Variants in CCDC60 observed in about 807,000 individuals in gnomAD.
The protein encoded by CCDC60 is coiled-coil domain containing 60, also known as coiled-coil domain-containing protein 60.
Under a neutral mutation model 63.5 loss-of-function variants are expected in CCDC60, and 54 were observed. That is an observed-to-expected ratio of 0.85 (90% CI 0.68 to 1.07). The LOEUF (loss-of-function observed/expected upper bound fraction) is 1.07. CCDC60 is among the 50% of genes least tolerant of loss of function. CCDC60 has a pLI of 0.00. For missense variants in CCDC60, 651 were observed against 684.3 expected (o/e 0.95, Z 0.54); for synonymous variants, 206 against 238.8 (o/e 0.86, Z 1.27).
intron 1 of CCDC60, among the ~76,000 whole-genome samples, chr12:119,363,571 A>C (rs1166294681): frequency 1.3e-5 from 2 of 152,198 alleles, no homozygotes; most frequent in Non-Finnish European, 2.9e-5. Context: ...TATGTATTAG[A>C]AAGCCACAAG....
chr12:119,350,445 C>T (rs1955645051), intron 1 of CCDC60, among the ~76,000 whole-genome samples: 1 of 152,034 alleles, frequency 6.6e-6, no homozygotes, highest in African/African-American at 2.4e-5. Context: ...GTTGGCCAGG[C>T]TGGTCTCAAA....
chr12:119,382,147 T>G (rs1182079862), intron 1 of CCDC60, among the ~76,000 whole-genome samples: 1 of 152,148 alleles, frequency 6.6e-6, no homozygotes, highest in African/African-American at 2.4e-5. Flanking sequence ...TTCATGTGCT[T>G]TAGCCACGAA....
rs556749878 is a variant in CCDC60, at chr12:119,342,027, A to T, written c.90+6761A>T. On this transcript the variant is annotated intron_variant, in intron 1 of 13. Coordinates refer to ENST00000327554, the MANE Select transcript of CCDC60 (RefSeq NM_178499.5). The stretch of plus-strand genomic sequence containing the variant: ...ATTAGGGTTGTTTTTGGCTGCAAGT[A>T]AGAGAAAAACTGAAAAGCAGCGAAG... 1.3e-4 allele frequency among the ~76,000 whole-genome samples: 20 copies of T among 152,358 alleles called. 1 individual carries two copies. The South Asian group carries it at 3.5e-3, about 27-fold the overall frequency.
chr12:119,444,682 T>TA (rs1420006130), intron 2 of CCDC60, among the ~76,000 whole-genome samples: 1 of 152,202 alleles, frequency 6.6e-6, no homozygotes, highest in Non-Finnish European at 1.5e-5. Context: ...TCCAAGGTCT[T>TA]AGAGACCACG....
intron 13 of CCDC60, among the ~76,000 whole-genome samples, chr12:119,538,875 G>C (rs1433476750): frequency 1.3e-5 from 2 of 152,186 alleles, no homozygotes; most frequent in African/African-American, 4.8e-5. Context: ...TGGGGTTTTT[G>C]TGTGGATGTG....
chr12:119,340,285 G>C (rs940367797), intron 1 of CCDC60, among the ~76,000 whole-genome samples: 7 of 152,222 alleles, frequency 4.6e-5, no homozygotes, highest in African/African-American at 1.7e-4. Flanking sequence ...TGTTAGAACA[G>C]AGCCTGGCAT....
chr12:119,529,549 C>T (rs1952781364), intron 12 of CCDC60, among the ~76,000 whole-genome samples: 1 of 152,074 alleles, frequency 6.6e-6, no homozygotes, highest in Non-Finnish European at 1.5e-5. Flanking sequence ...AAAAAATGTA[C>T]CCAGAATCCC....
At chr12:119,379,314 A>G (rs1955985924) in intron 1 of CCDC60, among the ~76,000 whole-genome samples, 1 of 152,238 alleles carries the variant, frequency 6.6e-6, no homozygotes, top group South Asian at 2.1e-4. Flanking sequence ...AGGACACTCA[A>G]ATGTTTTGTG....
chr12:119,359,606 C>T (rs1955752781), intron 1 of CCDC60, among the ~76,000 whole-genome samples: 2 of 147,910 alleles, frequency 1.4e-5, no homozygotes, highest in Admixed American at 1.4e-4. Flanking sequence ...GGTCATAGGA[C>T]AATAGTGGAG....
chr12:119,339,518 C>T (rs1955509828), intron 1 of CCDC60, among the ~76,000 whole-genome samples: 1 of 144,284 alleles, frequency 6.9e-6, no homozygotes, highest in South Asian at 2.3e-4. Context: ...GGCGCAGTGG[C>T]TCATGCCTAT....
At chr12:119,499,862 C>T (rs574495007) in intron 5 of CCDC60, among the ~76,000 whole-genome samples, 64 of 152,270 alleles carry the variant, frequency 4.2e-4, no homozygotes, top group African/African-American at 1.2e-3. Context: ...CCCTCCTCCA[C>T]CCAGTAAGCA....
At chr12:119,368,156 AAGG>A (rs1317268644) in intron 1 of CCDC60, among the ~76,000 whole-genome samples, 2 of 113,360 alleles carry the variant, frequency 1.8e-5, no homozygotes, top group African/African-American at 6.4e-5. Context: ...AGAAGAAAAG[AAGG>A]AGGAGGAGGA....
chr12:119,502,645 TG>T (rs1951883868), intron 6 of CCDC60, among the ~76,000 whole-genome samples: 1 of 152,196 alleles, frequency 6.6e-6, no homozygotes, highest in Non-Finnish European at 1.5e-5. Context: ...TTTTAATTAA[TG>T]GCAACTTTGG....
intron 6 of CCDC60, among the ~76,000 whole-genome samples, chr12:119,500,633 C>T (rs777111743): frequency 2.0e-5 from 3 of 147,650 alleles, no homozygotes; most frequent in East Asian, 2.0e-4. Flanking sequence ...GCAGGAGGAT[C>T]GCTTGAGCCC....
rs1952280411 is a variant in CCDC60 at position 119,513,859 on chromosome 12, G to C, written c.884-2764G>C. 1.3e-5 allele frequency among the ~76,000 whole-genome samples: 2 copies of C among 152,128 alleles called. 1 individual carries two copies. The highest frequency in any genetic ancestry group is 4.8e-5 in the African/African-American group (2 of 41,430). ...ATATACAGTACACAGTACTGTACTT[G>C]ATAACGATCAAATGACTATGGTACT... On this transcript the variant is annotated intron_variant, in intron 7 of 13. Coordinates refer to ENST00000327554, the MANE Select transcript of CCDC60 (RefSeq NM_178499.5).
At chr12:119,475,522 G>T (rs1951157185) in intron 3 of CCDC60, among the ~76,000 whole-genome samples, 1 of 152,198 alleles carries the variant, frequency 6.6e-6, no homozygotes, top group South Asian at 2.1e-4. Flanking sequence ...ATACAAGGCT[G>T]GTTATTAAAA....
intron 13 of CCDC60, among the ~76,000 whole-genome samples, chr12:119,537,137 T>C (rs762755830): frequency 6.6e-6 from 1 of 152,218 alleles, no homozygotes; most frequent in Non-Finnish European, 1.5e-5. Flanking sequence ...TAAACTTCTC[T>C]TCTCACTTTA....
intron 1 of CCDC60, among the ~76,000 whole-genome samples, chr12:119,391,608 A>T (rs1194472709): frequency 6.6e-6 from 1 of 152,240 alleles, no homozygotes; most frequent in Non-Finnish European, 1.5e-5. Context: ...AGAAAAGTGC[A>T]TGTAATGTGC....
intron 7 of CCDC60, 43 bp from the exon 8 acceptor site, chr12:119,516,580 G>T: frequency 7.1e-7 from 1 of 1,399,058 alleles, no homozygotes. Flanking sequence ...TCCTGTCTCA[G>T]GGGTGGCTTC....
Sources: allele counts gnomAD v4.1 joint callset (sites outside exome capture counted in the v4.1 genomes callset), GRCh38; gene constraint gnomAD v4.1.1; transcripts MANE v1.5; gene names NCBI Gene and HGNC (gene_info 2026-07-23, HGNC 2026-07-21).